Variants in DAB1 observed in about 807,000 individuals in gnomAD.
DAB1 encodes DAB adaptor protein 1.
Under a neutral mutation model 64.6 loss-of-function variants are expected in DAB1, and 15 were observed. The observed-to-expected ratio is 0.23, with a 90% CI of 0.16 to 0.36. DAB1 has a LOEUF of 0.36. Ranked by LOEUF, DAB1 falls within the 10% of genes least tolerant of loss-of-function variation. The pLI is 1.00. For synonymous variants in DAB1, 235 were observed against 251.9 expected (o/e 0.93, Z 0.64); for missense variants, 596 against 706.7 (o/e 0.84, Z 1.78).
intron 1 of DAB1, among the ~76,000 whole-genome samples, chr1:58,535,349 T>C (rs1646499481): frequency 6.6e-6 from 1 of 152,128 alleles, no homozygotes; most frequent in African/African-American, 2.4e-5. Context: ...ATGCCTGTAA[T>C]CCCAGCACTT....
At chr1:58,131,975 G>T (rs1557664580) in intron 5 of DAB1, among the ~76,000 whole-genome samples, 1 of 151,870 alleles carries the variant, frequency 6.6e-6, no homozygotes, top group Admixed American at 6.5e-5. Flanking sequence ...TTGAGCTGTG[G>T]TGGGCTCCAC....
intron 2 of DAB1, among the ~76,000 whole-genome samples, chr1:57,259,389 T>G (rs1670005578): frequency 1.3e-5 from 2 of 152,180 alleles, no homozygotes; most frequent in African/African-American, 4.8e-5. Flanking sequence ...GACAGTTCTG[T>G]AATTCAGATT....
intron 4 of DAB1, among the ~76,000 whole-genome samples, chr1:58,250,169 CCGCCCCTACCCCGGCG>C (rs1660741074): frequency 6.6e-6 from 1 of 152,292 alleles, no homozygotes; most frequent in Admixed American, 6.5e-5. Flanking sequence ...GCGCCCGCGG[CCGCCCCTACCCCGGCG>C]CGCCCACCTC....
At chr1:57,164,030 C>A (rs933520512) in intron 2 of DAB1, among the ~76,000 whole-genome samples, 5 of 152,106 alleles carry the variant, frequency 3.3e-5, no homozygotes, top group African/African-American at 1.2e-4. Context: ...GAACTGTAAC[C>A]TTGGGCAGTC....
At chr1:57,827,596 CAATAAT>C (rs1652407975) in intron 1 of DAB1, among the ~76,000 whole-genome samples, 1 of 152,140 alleles carries the variant, frequency 6.6e-6, no homozygotes, top group Non-Finnish European at 1.5e-5. Flanking sequence ...ACTTGGTACT[CAATAAT>C]TAGAAGCTAT....
chr1:58,231,577 C>G (rs1028110968), intron 4 of DAB1, among the ~76,000 whole-genome samples: 2 of 152,152 alleles, frequency 1.3e-5, no homozygotes, highest in Non-Finnish European at 2.9e-5. Context: ...GACAGGAGTG[C>G]TAGACAAAGG....
intron 6 of DAB1, among the ~76,000 whole-genome samples, chr1:57,820,173 C>CA: frequency 6.6e-6 from 1 of 152,304 alleles, no homozygotes; most frequent in African/African-American, 2.4e-5. Flanking sequence ...TGCTCGGGCC[C>CA]AAAGACTGGA....
chr1:57,280,335 ATGTG>A (rs1276642270), intron 2 of DAB1, among the ~76,000 whole-genome samples: 2 of 152,156 alleles, frequency 1.3e-5, no homozygotes, highest in African/African-American at 4.8e-5. Flanking sequence ...CCTTGCAAAC[ATGTG>A]TACTCTGACC....
chr1:57,634,615 A>G (rs923238409), intron 7 of DAB1, among the ~76,000 whole-genome samples: 1 of 152,218 alleles, frequency 6.6e-6, no homozygotes, highest in Non-Finnish European at 1.5e-5. Context: ...TCGAAGCTGA[A>G]ATAAGATAAT....
chr1:58,075,480 A>G (rs993755927), intron 5 of DAB1, among the ~76,000 whole-genome samples: 2 of 152,200 alleles, frequency 1.3e-5, no homozygotes, highest in Admixed American at 1.3e-4. Flanking sequence ...GTCAAGAAAA[A>G]GCCTCTATCT....
intron 4 of DAB1, among the ~76,000 whole-genome samples, chr1:58,243,776 C>T (rs568301034): frequency 6.6e-6 from 1 of 152,162 alleles, no homozygotes; most frequent in East Asian, 1.9e-4. Context: ...TAAAACAAGG[C>T]AGATATTATT....
intron 3 of DAB1, among the ~76,000 whole-genome samples, chr1:58,391,886 C>T (rs1459451882): frequency 2.0e-5 from 3 of 152,200 alleles, no homozygotes; most frequent in Non-Finnish European, 2.9e-5. Context: ...AGAATTAACA[C>T]ATTTTATAAC....
chr1:57,243,438 CCTGA>C (rs1430039586), intron 2 of DAB1, among the ~76,000 whole-genome samples: 2 of 152,088 alleles, frequency 1.3e-5, no homozygotes, highest in Non-Finnish European at 2.9e-5. Context: ...TTTATCTTCT[CCTGA>C]CTAAGCTAAC....
chr1:57,997,670 A>G (rs1646446294), intron 5 of DAB1, among the ~76,000 whole-genome samples: 1 of 152,126 alleles, frequency 6.6e-6, no homozygotes, highest in South Asian at 2.1e-4. Context: ...ACTGGGGGTG[A>G]AGACTAGGGA....
chr1:57,150,682 G>A (rs1342599505), intron 2 of DAB1, among the ~76,000 whole-genome samples: 1 of 152,198 alleles, frequency 6.6e-6, no homozygotes, highest in Non-Finnish European at 1.5e-5. Context: ...AGCTACAGAG[G>A]AGAGATGGCA....
At chr1:58,072,078 G>A (rs1272641631) in intron 5 of DAB1, among the ~76,000 whole-genome samples, 1 of 91,634 alleles carries the variant, frequency 1.1e-5, no homozygotes, top group African/African-American at 3.5e-5. Flanking sequence ...AAACATTATT[G>A]GTGGGGTGGG....
chr1:58,301,034 C>A (rs896082291), intron 4 of DAB1, among the ~76,000 whole-genome samples: 11 of 152,004 alleles, frequency 7.2e-5, no homozygotes, highest in African/African-American at 2.7e-4. Context: ...GTATAGGCTA[C>A]TTAGTGGCCA....
At chr1:58,124,669 G>A (rs1367224125) in intron 5 of DAB1, among the ~76,000 whole-genome samples, 2 of 152,200 alleles carry the variant, frequency 1.3e-5, no homozygotes, top group Non-Finnish European at 2.9e-5. Flanking sequence ...AAAGAGTCTA[G>A]CATAGCAGTT....
At chr1:58,351,612 T>C (rs190099864) in intron 3 of DAB1, among the ~76,000 whole-genome samples, 20 of 151,758 alleles carry the variant, frequency 1.3e-4, no homozygotes, top group Admixed American at 3.9e-4. Context: ...AGTTTCCTCA[T>C]TGGTAAGGTG....
Sources: gnomAD v4.1 joint callset for allele counts (sites outside exome capture counted in the v4.1 genomes callset) on GRCh38, gnomAD v4.1.1 for gene constraint, MANE v1.5 for transcripts, NCBI Gene and HGNC (gene_info 2026-07-23, HGNC 2026-07-21) for gene names.